PPARGC1A: variants seen among roughly 807,000 people sequenced by gnomAD.
PPARGC1A encodes the protein PPARG coactivator 1 alpha.
Under a neutral mutation model 88.7 loss-of-function variants are expected in PPARGC1A, and 25 were observed. That is an observed-to-expected ratio of 0.28 (90% CI 0.21 to 0.39). PPARGC1A has a LOEUF of 0.39. PPARGC1A is among the 10% of genes least tolerant of loss of function. The pLI, the probability that PPARGC1A is intolerant of heterozygous loss-of-function variation, is 1.00. For missense variants in PPARGC1A, 880 were observed against 968.7 expected (o/e 0.91, Z 1.22); for synonymous variants, 363 against 355.6 (o/e 1.02, Z -0.24).
At chr4:23,855,563 T>G (rs551338698) in intron 2 of PPARGC1A, among the ~76,000 whole-genome samples, 1 of 152,314 alleles carries the variant, frequency 6.6e-6, no homozygotes, top group African/African-American at 2.4e-5. Flanking sequence ...ATTTCAGGTT[T>G]ATTTAATTCC....
chr4:24,373,623 T>G, the PPARGC1A span, among the ~76,000 whole-genome samples: 2 of 152,244 alleles, frequency 1.3e-5, no homozygotes, highest in African/African-American at 2.4e-5. Context: ...TTATACAAAT[T>G]TATAAACGAG....
At chr4:24,110,028 GCCCT>G in the PPARGC1A span, among the ~76,000 whole-genome samples, 2 of 152,140 alleles carry the variant, frequency 1.3e-5, no homozygotes, top group Non-Finnish European at 2.9e-5. Flanking sequence ...CTCTGACTCT[GCCCT>G]ATGAGCTCTC....
the PPARGC1A span, among the ~76,000 whole-genome samples, chr4:24,066,068 C>T: frequency 1.4e-5 from 2 of 143,448 alleles, no homozygotes; most frequent in African/African-American, 4.9e-5. Context: ...TAGTGCACTT[C>T]TCTTTGCCTT....
chr4:24,073,500 GC>G, the PPARGC1A span, among the ~76,000 whole-genome samples: 1 of 152,082 alleles, frequency 6.6e-6, no homozygotes. Flanking sequence ...CCCTTAACTT[GC>G]CCCTAAAACT....
the PPARGC1A span, among the ~76,000 whole-genome samples, chr4:24,090,251 C>T: frequency 6.6e-6 from 1 of 152,308 alleles, no homozygotes; most frequent in South Asian, 2.1e-4. Context: ...CACATGTCAT[C>T]CTGAAAGTAG....
chr4:24,033,081 T>C, the PPARGC1A span, among the ~76,000 whole-genome samples: 13 of 152,298 alleles, frequency 8.5e-5, no homozygotes, highest in African/African-American at 2.9e-4. Context: ...AAAGTGAATA[T>C]ACACATGATT....
the PPARGC1A span, among the ~76,000 whole-genome samples, chr4:24,364,627 T>G: frequency 6.6e-6 from 1 of 152,154 alleles, no homozygotes; most frequent in Non-Finnish European, 1.5e-5. Context: ...AAAACTTACC[T>G]CTGATGAGGA....
At chr4:24,222,235 A>G in the PPARGC1A span, among the ~76,000 whole-genome samples, 2,974 of 152,156 alleles carry the variant, frequency 0.02, 113 homozygotes, top group African/African-American at 0.068. Context: ...GTCCTCCAGG[A>G]CTCTTCATCA....
the PPARGC1A span, among the ~76,000 whole-genome samples, chr4:24,068,828 A>G: frequency 1.3e-5 from 2 of 152,276 alleles, no homozygotes; most frequent in Middle Eastern, 3.4e-3. Context: ...CTTCATCATG[A>G]GAGAGTTCAC....
the PPARGC1A span, among the ~76,000 whole-genome samples, chr4:23,926,121 C>T: frequency 6.6e-6 from 1 of 152,166 alleles, no homozygotes; most frequent in Non-Finnish European, 1.5e-5. Context: ...GCTTATTCTT[C>T]TCAGTCTTCC....
the PPARGC1A span, among the ~76,000 whole-genome samples, chr4:24,283,435 T>G: frequency 6.6e-6 from 1 of 152,180 alleles, no homozygotes; most frequent in Non-Finnish European, 1.5e-5. Context: ...TGGCAGCATT[T>G]GAACTTGAAA....
the PPARGC1A span, among the ~76,000 whole-genome samples, chr4:24,209,860 G>A: frequency 6.6e-6 from 1 of 152,186 alleles, no homozygotes; most frequent in African/African-American, 2.4e-5. Flanking sequence ...AAAGTTTACT[G>A]ATAGGAGCAC....
the PPARGC1A span, among the ~76,000 whole-genome samples, chr4:23,930,549 A>G: frequency 1.7e-3 from 265 of 152,344 alleles, no homozygotes; most frequent in African/African-American, 5.9e-3. Context: ...AGGTTTTGAA[A>G]TATGAACAAC....
chr4:23,884,721 A>G (rs1360753469), intron 2 of PPARGC1A, 31 bp downstream of exon 2: 1 of 1,586,668 alleles, frequency 6.3e-7, no homozygotes, highest in Admixed American at 1.7e-5. Context: ...AAACTCAATG[A>G]AAAATTAATG....
the PPARGC1A span, among the ~76,000 whole-genome samples, chr4:24,414,686 C>G: frequency 6.6e-6 from 1 of 152,152 alleles, no homozygotes; most frequent in Non-Finnish European, 1.5e-5. Context: ...CCTTGTGTTT[C>G]AAGTATGCAG....
the PPARGC1A span, among the ~76,000 whole-genome samples, chr4:24,472,298 C>T: frequency 1.3e-5 from 2 of 151,772 alleles, no homozygotes; most frequent in African/African-American, 2.4e-5. This position sits in a 1 kb window ranked among gnomAD's most constrained non-coding sequence, Gnocchi z 4.5. Flanking sequence ...GAGCCTCTGC[C>T]TCCCCACCAA....
rs140013375 is a variant in PPARGC1A at position 23,857,606 on chromosome 4, A to G, written c.235-25855T>C. 5.6e-4 allele frequency among the ~76,000 whole-genome samples: 85 copies of G among 151,812 alleles called. 1 individual carries two copies. In the East Asian group the frequency reaches 0.014, roughly 25 times the overall value. On this transcript the variant is annotated intron_variant, in intron 2 of 12. Transcript: ENST00000264867. Reference sequence around the variant, plus strand: ...ACACTTTGTGCTGACAGTATAACTCATCCAGCTTTAAGACCTCAGAACTGT... The same window carrying G: ...ACACTTTGTGCTGACAGTATAACTCGTCCAGCTTTAAGACCTCAGAACTGT...
At chr4:24,463,770 G>C in the PPARGC1A span, among the ~76,000 whole-genome samples, 1 of 152,154 alleles carries the variant, frequency 6.6e-6, no homozygotes. Context: ...ATGGAAAGGA[G>C]AGCAATGGGA....
At chr4:23,980,707 C>G in the PPARGC1A span, among the ~76,000 whole-genome samples, 2 of 152,270 alleles carry the variant, frequency 1.3e-5, no homozygotes, top group African/African-American at 4.8e-5. Flanking sequence ...CGGCCACAGA[C>G]TCTCCACCAC....
Sources: allele counts gnomAD v4.1 joint callset (sites outside exome capture counted in the v4.1 genomes callset), GRCh38; gene constraint gnomAD v4.1.1; non-coding constraint Gnocchi (gnomAD v3.1); transcripts MANE v1.5; gene names NCBI Gene and HGNC (gene_info 2026-07-23, HGNC 2026-07-21).